Variants in RNF128 observed in about 807,000 individuals in gnomAD.
The protein encoded by RNF128 is E3 ubiquitin-protein ligase RNF128.
A neutral mutation model predicts 26.2 loss-of-function variants in RNF128; 13 were observed. The ratio of observed to expected loss-of-function variants is 0.50; its 90% CI spans 0.32 to 0.79. RNF128 has a LOEUF of 0.79. Among genes scored for constraint, RNF128 ranks in the 30% least tolerant of loss-of-function variants. The probability of loss-of-function intolerance (pLI) is 0.03; values close to 1 mark genes in which losing one functional copy is unlikely to be tolerated. For synonymous variants in RNF128, 149 were observed against 142.5 expected (o/e 1.05, Z -0.32); for missense variants, 315 against 349.7 (o/e 0.90, Z 0.79).
Position 106,726,901 on chromosome X carries a change from G to A in RNF128, c.-13G>A, listed in dbSNP as rs1437137402. 1 of 1,161,756 alleles carries A rather than the reference G, an allele frequency of 8.6e-7. No individual in the cohort carries two copies. ...GTGCCAGGGGCGCTAGGGAACTGCG[G>A]AGCGCGCGCGCCATGGGGCCGCCGC... On this transcript the variant is annotated 5_prime_UTR_variant, in exon 1 of 7. Transcript: ENST00000255499.
At chrX:106,694,763 T>C (rs2147654802) in intron 1 of RNF128, among the ~76,000 whole-genome samples, 1 of 111,585 alleles carries the variant, frequency 9.0e-6, no homozygotes, top group East Asian at 2.8e-4. Context: ...TTTGATTTAT[T>C]TTCTCCTGCA....
At chrX:106,788,142 G>T (rs1282122966) in intron 4 of RNF128, 142 bp downstream of exon 4, 5 of 345,973 alleles carry the variant, frequency 1.4e-5, no homozygotes, top group Non-Finnish European at 2.4e-5. Flanking sequence ...AATATAGAAT[G>T]GTTTATTTTT....
upstream of RNF128, among the ~76,000 whole-genome samples, chrX:106,722,909 C>T (rs946084414): frequency 2.7e-5 from 3 of 110,777 alleles, no homozygotes; most frequent in South Asian, 3.9e-4. Context: ...TAATGACTCA[C>T]GTTATCAAGC....
At chrX:106,772,590 C>A (rs1430651655) in intron 1 of RNF128, among the ~76,000 whole-genome samples, 1 of 111,195 alleles carries the variant, frequency 9.0e-6, no homozygotes, top group Middle Eastern at 4.3e-3. Flanking sequence ...TGTCTTTAAG[C>A]AAGCCTTCAT....
At chrX:106,694,495 A>G in intron 1 of RNF128, 1 of 676,760 alleles carries the variant, frequency 1.5e-6, no homozygotes, top group Non-Finnish European at 2.1e-6. Flanking sequence ...GGATCTGGCA[A>G]CAAGGTTGTA....
chrX:106,778,377 G>A (rs1469304478), intron 2 of RNF128, among the ~76,000 whole-genome samples: 2 of 112,309 alleles, frequency 1.8e-5, no homozygotes, highest in African/African-American at 3.2e-5. Flanking sequence ...TGACCAACAG[G>A]ATGGATTGTG....
intron 1 of RNF128, among the ~76,000 whole-genome samples, chrX:106,728,164 C>T (rs1380570541): frequency 8.9e-6 from 1 of 111,763 alleles, no homozygotes; most frequent in Non-Finnish European, 1.9e-5. Flanking sequence ...GGTTATCCTT[C>T]CACAAACTTC....
intron 1 of RNF128, among the ~76,000 whole-genome samples, chrX:106,728,454 A>C (rs1179393533): frequency 8.9e-6 from 1 of 112,207 alleles, no homozygotes; most frequent in Non-Finnish European, 1.9e-5. Flanking sequence ...GTTTGCCTTC[A>C]GGATAAAATG....
chrX:106,727,578 A>C (rs1355669418), intron 1 of RNF128, among the ~76,000 whole-genome samples, 181 bp downstream of exon 1: 1 of 110,277 alleles, frequency 9.1e-6, no homozygotes, highest in Non-Finnish European at 1.9e-5. Context: ...TTGGGCAAAA[A>C]AAAATCCTTC....
At chrX:106,745,191 C>A (rs868037874) in intron 1 of RNF128, among the ~76,000 whole-genome samples, 5 of 111,435 alleles carry the variant, frequency 4.5e-5, no homozygotes, top group Middle Eastern at 4.6e-3. Flanking sequence ...TTATTGCCTT[C>A]AAAAACTACA....
chrX:106,758,532 A>T (rs951976805), intron 1 of RNF128, among the ~76,000 whole-genome samples: 1 of 112,025 alleles, frequency 8.9e-6, no homozygotes, highest in African/African-American at 3.2e-5. Context: ...ACTTTAAATT[A>T]TACTACACAG....
chrX:106,736,685 T>C (rs1488201294), intron 1 of RNF128, among the ~76,000 whole-genome samples: 1 of 112,070 alleles, frequency 8.9e-6, no homozygotes, highest in Non-Finnish European at 1.9e-5. Flanking sequence ...TCATGATAAA[T>C]TTGATGTGCC....
chrX:106,753,187 A>G (rs1929933053), intron 1 of RNF128, among the ~76,000 whole-genome samples: 1 of 111,760 alleles, frequency 8.9e-6, no homozygotes, highest in African/African-American at 3.2e-5. Flanking sequence ...TGTGTGAACT[A>G]CTCATACCTT....
intron 1 of RNF128, among the ~76,000 whole-genome samples, chrX:106,696,885 T>A (rs1928881298): frequency 8.9e-6 from 1 of 112,168 alleles, no homozygotes; most frequent in African/African-American, 3.2e-5. Flanking sequence ...CCACAGGGCA[T>A]CCTACTAAGA....
At chrX:106,707,808 A>G (rs1167810954) in intron 1 of RNF128, among the ~76,000 whole-genome samples, 1 of 110,153 alleles carries the variant, frequency 9.1e-6, no homozygotes, top group Non-Finnish European at 1.9e-5. Flanking sequence ...GGTCCCAGGA[A>G]AAAAAAAACA....
intron 2 of RNF128, among the ~76,000 whole-genome samples, chrX:106,778,869 G>A (rs1930515746): frequency 9.0e-6 from 1 of 111,696 alleles, no homozygotes; most frequent in Non-Finnish European, 1.9e-5. Flanking sequence ...ACTATTTCTG[G>A]TTACATTAAG....
chrX:106,703,807 G>C (rs1418755819), intron 1 of RNF128, among the ~76,000 whole-genome samples: 1 of 110,373 alleles, frequency 9.1e-6, no homozygotes, highest in East Asian at 2.9e-4. Context: ...GAGAGTTATA[G>C]GATAACCAGT....
chrX:106,716,065 G>A (rs1603083904), intron 1 of RNF128, among the ~76,000 whole-genome samples: 2 of 111,624 alleles, frequency 1.8e-5, no homozygotes, highest in South Asian at 7.6e-4. Context: ...GCTCTGTCCT[G>A]ACTCTGAGCT....
rs1569445314 is a variant in RNF128, at chrX:106,788,382, A to G, written c.887+382A>G. Among the ~76,000 whole-genome samples, 7 of 45,939 alleles carry G rather than the reference A, an allele frequency of 1.5e-4. No homozygotes were observed. The South Asian group carries it at 6.5e-3, about 43-fold the overall frequency. The allele number at this position is 45,939 out of a possible 115,157, so 39.9% of individuals were successfully genotyped here. A position where few individuals can be genotyped will look rare whatever the true frequency, so the allele number is the denominator to read the frequency against. On this transcript the variant is annotated intron_variant, in intron 4 of 6. Transcript: ENST00000255499. ...CTATATATAATATATATTATATATT[A>G]TATATAATATATATTATATATAATA...
Sources: allele counts gnomAD v4.1 joint callset (sites outside exome capture counted in the v4.1 genomes callset), GRCh38; gene constraint gnomAD v4.1.1; transcripts MANE v1.5; gene names NCBI Gene and HGNC (gene_info 2026-07-23, HGNC 2026-07-21).